Variants in MPZ observed in about 807,000 individuals in gnomAD.
The protein encoded by MPZ is myelin protein P0.
MPZ carries 13 observed loss-of-function variants against 27.9 expected under a neutral mutation model. That is an observed-to-expected ratio of 0.47 (90% CI 0.30 to 0.74). The LOEUF (loss-of-function observed/expected upper bound fraction) is 0.74, where lower values mean the gene tolerates loss of function less well. MPZ is among the 30% of genes least tolerant of loss of function. MPZ has a pLI of 0.06. For missense variants in MPZ, 256 were observed against 317.5 expected (o/e 0.81, Z 1.47); for synonymous variants, 118 against 128.9 (o/e 0.92, Z 0.57).
At position 161,304,934 on chromosome 1, in the gene MPZ, C is replaced by T. The variant is rs1558152636; in HGVS notation, c.*942G>A. The T allele has an allele frequency of 6.8e-6, 1 of 148,116 alleles. No individual in the cohort carries two copies. Among genetic ancestry groups the T allele is most frequent in the Non-Finnish European group, 1.5e-5 (1 of 66,778 alleles). The allele number at this position is 148,116 out of a possible 1,614,324, so 9.2% of individuals were successfully genotyped here. A position where few individuals can be genotyped will look rare whatever the true frequency, so the allele number is the denominator to read the frequency against. ...ACCATTTCTTAAGGCTCATTTGCCC[C>T]CTCCCCCACTCCCTGACCTATGAGG... On this transcript the variant is annotated 3_prime_UTR_variant, in exon 6 of 6. Coordinates refer to ENST00000533357, the MANE Select transcript of MPZ (RefSeq NM_000530.8).
chr1:161,305,688 T>C lies in MPZ; in HGVS notation c.*188A>G. 2 of 593,610 alleles carry C rather than the reference T, an allele frequency of 3.4e-6. No individual in the cohort carries two copies. The highest frequency in any genetic ancestry group is 6.0e-6 in the Non-Finnish European group (2 of 333,700). The allele number at this position is 593,610 out of a possible 1,614,324, so 36.8% of individuals were successfully genotyped here. ...CCTGGGGTGGGGGGGTGGCGATCAC[T>C]TGTCCGAGTTCAGGCCCATCATGTT... On this transcript the variant is annotated 3_prime_UTR_variant, in exon 6 of 6. Coordinates refer to ENST00000533357, the MANE Select transcript of MPZ (RefSeq NM_000530.8).
chr1:161,309,037 G>C (rs184990993), intron 1 of MPZ, among the ~76,000 whole-genome samples: 135 of 152,340 alleles, frequency 8.9e-4, no homozygotes, highest in African/African-American at 3.1e-3. Context: ...GAGAAGGGAA[G>C]GGGCCATTCC....
At chr1:161,304,029 G>A (rs999641988), downstream of MPZ, among the ~76,000 whole-genome samples, 4 of 152,190 alleles carry the variant, frequency 2.6e-5, no homozygotes, top group East Asian at 1.9e-4. Flanking sequence ...AAAATGATAC[G>A]TATATGTTTT....
Position 161,305,972 on chromosome 1 carries a change from T to C in MPZ, c.651A>G (p.Pro217=). ...TGTGGTCCAGCATTGCATACAGCAC[T>C]GGCGTCTGGGGGAGGGGCGCACACA... ...KDASKRGRQT[P]VLYAMLDHSR... The change falls in exon 6 of 6, where the codon CCA becomes CCG. Residue 217 remains proline (P), a synonymous_variant. Transcript: ENST00000533357. 2.5e-6 allele frequency: 4 copies of C among 1,613,942 alleles called. No homozygotes were observed. The highest frequency in any genetic ancestry group is 3.4e-6 in the Non-Finnish European group (4 of 1,179,882).
Position 161,304,965 on chromosome 1 carries a change from TTC to T in MPZ, c.*909_*910del. The T allele has an allele frequency of 6.7e-6, 1 of 149,866 alleles. No homozygotes were observed. Among genetic ancestry groups the T allele is most frequent in the Non-Finnish European group, 1.5e-5 (1 of 67,518 alleles). The allele number at this position is 149,866 out of a possible 1,614,324, so 9.3% of individuals were successfully genotyped here. A position where few individuals can be genotyped will look rare whatever the true frequency, so the allele number is the denominator to read the frequency against. On this transcript the variant is annotated 3_prime_UTR_variant, in exon 6 of 6. Coordinates refer to ENST00000533357, the MANE Select transcript of MPZ (RefSeq NM_000530.8). Reference sequence around the variant, plus strand: ...CCACTCCCTGACCTATGAGGATCCATTCTCTCTCTCTGTCTCTCTCCTCAAGA... The same window carrying T: ...CCACTCCCTGACCTATGAGGATCCATTCTCTCTCTGTCTCTCTCCTCAAGA...
intron 1 of MPZ, among the ~76,000 whole-genome samples, chr1:161,309,552 A>ATTTTTTTTTTT (rs1215409194): frequency 1.7e-4 from 14 of 80,632 alleles, no homozygotes; most frequent in African/African-American, 4.6e-4. Flanking sequence ...ATATATATAT[A>ATTTTTTTTTTT]TTTTTTTTTT....
In MPZ at chr1:161,305,745, G is replaced by A; in HGVS notation, c.*131C>T. ...GGCGTTTTTGAGGCTGGTTCTGCTG[G>A]GGGACTTGACAGCAGGCCGGAGCTC... On this transcript the variant is annotated 3_prime_UTR_variant, in exon 6 of 6. Transcript: ENST00000533357. 1.5e-6 allele frequency: 1 copy of A among 668,270 alleles called. No individual in the cohort carries two copies. The highest frequency in any genetic ancestry group is 2.6e-6 in the Non-Finnish European group (1 of 389,994). The allele number at this position is 668,270 out of a possible 1,614,324, so 41.4% of individuals were successfully genotyped here. A position where few individuals can be genotyped will look rare whatever the true frequency, so the allele number is the denominator to read the frequency against.
chr1:161,309,278 G>A (rs1670335996), intron 1 of MPZ, among the ~76,000 whole-genome samples: 1 of 152,028 alleles, frequency 6.6e-6, no homozygotes, highest in Non-Finnish European at 1.5e-5. Context: ...TTTTCCTTCT[G>A]GGAAACTAAG....
chr1:161,309,552 A>ATATATATATATATATTTTTTTTTTT, intron 1 of MPZ, among the ~76,000 whole-genome samples: 1 of 80,664 alleles, frequency 1.2e-5, no homozygotes, highest in Non-Finnish European at 2.4e-5. Flanking sequence ...ATATATATAT[A>ATATATATATATATATTTTTTTTTTT]TTTTTTTTTT....
At chr1:161,307,603 G>A (rs917540648) in intron 1 of MPZ, 179 bp from the exon 2 acceptor site, 4 of 632,540 alleles carry the variant, frequency 6.3e-6, no homozygotes, top group African/African-American at 1.8e-5. Flanking sequence ...CATAAATGCT[G>A]TGTCTGTCAA....
At position 161,309,550 on chromosome 1, in the gene MPZ, A is replaced by T. The variant is rs898878542; in HGVS notation, c.67+289T>A. On this transcript the variant is annotated intron_variant, in intron 1 of 5. Coordinates refer to ENST00000533357, the MANE Select transcript of MPZ (RefSeq NM_000530.8). ...TTTTTCTTTTCATATATATATATAT[A>T]TATTTTTTTTTTTTTTGAATTTTAC... 2.4e-3 allele frequency among the ~76,000 whole-genome samples: 199 copies of T among 82,430 alleles called. 2 individuals carry two copies. The highest frequency in any genetic ancestry group is 6.8e-3 in the Middle Eastern group (1 of 146). The allele number at this position is 82,430 out of a possible 152,430, so 54.1% of individuals were successfully genotyped here.
chr1:161,306,610 C>T (rs1670254919), intron 3 of MPZ, 98 bp downstream of exon 3: 2 of 1,554,100 alleles, frequency 1.3e-6, no homozygotes, highest in Admixed American at 3.4e-5. Flanking sequence ...AATAAAGGTC[C>T]TTAGGCCGGG....
intron 1 of MPZ, among the ~76,000 whole-genome samples, chr1:161,308,810 C>G (rs529656518): frequency 2.6e-5 from 4 of 152,106 alleles, no homozygotes; most frequent in South Asian, 4.1e-4. Context: ...ATTCCTTCCC[C>G]CTATTTCCCT....
rs1670356689 is a variant in MPZ at position 161,309,718 on chromosome 1, G to A, written c.67+121C>T. 4 of 851,088 alleles carry A rather than the reference G, an allele frequency of 4.7e-6. No individual in the cohort carries two copies. The Admixed American group carries it at 8.1e-5, about 17-fold the overall frequency. 52.7% of individuals were successfully genotyped at this position (851,088 alleles called of 1,614,324 possible). A position where few individuals can be genotyped will look rare whatever the true frequency, so the allele number is the denominator to read the frequency against. On this transcript the variant is annotated intron_variant, in intron 1 of 5. Transcript: ENST00000533357. ...CATATTTTTTCTTTCTGAATATAATGTCACCTTCCTGCTCCTGCTTGTTCT... is the reference window on the plus strand; with the variant it reads ...CATATTTTTTCTTTCTGAATATAATATCACCTTCCTGCTCCTGCTTGTTCT...
chr1:161,306,686 T>G (rs1277840330), intron 3 of MPZ, 22 bp downstream of exon 3: 6 of 1,611,506 alleles, frequency 3.7e-6, no homozygotes, highest in Non-Finnish European at 5.1e-6. Flanking sequence ...TCCCATACCC[T>G]TGTCCCCATC....
intron 4 of MPZ, 45 bp downstream of exon 4, chr1:161,306,284 G>A (rs1420885355): frequency 3.7e-6 from 6 of 1,613,672 alleles, no homozygotes; most frequent in South Asian, 1.1e-5. Context: ...GCCCAGATGG[G>A]GGATAGTGGG....
At position 161,306,823 on chromosome 1, in the gene MPZ, G is replaced by A. The variant is rs2102258993; in HGVS notation, c.333C>T (p.Ser111=). Residue 111 remains serine, a synonymous_variant, in exon 3 of 6, where the codon TCC becomes TCT. Transcript: ENST00000533357. ...TGTAGTCTAGGTTGTGTATGACAATGGAGCCATCCTTCCAGCGAGGGTCCC... is the reference window on the plus strand; with the variant it reads ...TGTAGTCTAGGTTGTGTATGACAATAGAGCCATCCTTCCAGCGAGGGTCCC... The part of the protein sequence containing the change: ...WVGDPRWKDG[S]IVIHNLDYSD... The A allele has an allele frequency of 6.2e-7, 1 of 1,613,980 alleles. No individual in the cohort carries two copies. The highest frequency in any genetic ancestry group is 2.2e-5 in the East Asian group (1 of 44,860).
rs556438092 is a variant in MPZ at position 161,309,922 on chromosome 1, G to A, written c.-17C>T. 6.4e-7 allele frequency: 1 copy of A among 1,574,560 alleles called. No homozygotes were observed. The highest frequency in any genetic ancestry group is 1.9e-5 in the Admixed American group (1 of 52,882). The stretch of plus-strand genomic sequence containing the variant: ...AGGAGCCATAGCTGGGGCAGGGGCA[G>A]GGGCCCGGAGCATCTGTGGGGTTGA... On this transcript the variant is annotated 5_prime_UTR_variant, in exon 1 of 6. Transcript: ENST00000533357.
At position 161,306,806 on chromosome 1, in the gene MPZ, A is replaced by C. The variant is rs2102258946; in HGVS notation, c.350T>G (p.Leu117Arg). The change falls in exon 3 of 6, where the codon CTA becomes CGA. Residue 117 changes from leucine to arginine, a missense_variant. Leu to Arg is a moderately radical substitution (Grantham distance 102). Coordinates refer to ENST00000533357, the MANE Select transcript of MPZ (RefSeq NM_000530.8). ...GAACGTGCCATTGTCACTGTAGTCT[A>C]GGTTGTGTATGACAATGGAGCCATC... Reference protein sequence around the residue: ...WKDGSIVIHNLDYSDNGTFTC... With the variant: ...WKDGSIVIHNRDYSDNGTFTC... 6.2e-7 allele frequency: 1 copy of C among 1,614,004 alleles called. No homozygotes were observed. Among genetic ancestry groups the C allele is most frequent in the Non-Finnish European group, 8.5e-7 (1 of 1,179,998 alleles).
Sources: gnomAD v4.1 joint callset for allele counts (sites outside exome capture counted in the v4.1 genomes callset) on GRCh38, gnomAD v4.1.1 for gene constraint, MANE v1.5 for transcripts, NCBI Gene and HGNC (gene_info 2026-07-23, HGNC 2026-07-21) for gene names.